Variants in VGLL2 observed in about 807,000 individuals in gnomAD.
VGLL2 encodes the protein vestigial like family member 2, also known as transcription cofactor vestigial-like protein 2.
VGLL2 carries 18 observed loss-of-function variants against 27.0 expected under a neutral mutation model. That is an observed-to-expected ratio of 0.67 (90% CI 0.46 to 0.99). VGLL2 has a LOEUF of 0.99. Among genes scored for constraint, VGLL2 ranks in the 50% least tolerant of loss-of-function variants. The pLI is 0.00. For synonymous variants in VGLL2, 220 were observed against 201.1 expected (o/e 1.09, Z -0.80); for missense variants, 491 against 452.3 (o/e 1.09, Z -0.78).
Position 117,272,705 on chromosome 6 carries a change from T to C in VGLL2, c.*211T>C. The C allele has an allele frequency of 1.6e-6, 1 of 643,400 alleles. No individual in the cohort carries two copies. The highest frequency in any genetic ancestry group is 2.3e-5 in the South Asian group (1 of 43,438). The allele number at this position is 643,400 out of a possible 1,614,324, so 39.9% of individuals were successfully genotyped here. ...GAGCAAATCCAAAGACTGAGTTATG[T>C]TTAATGACTTTTGGCCGAATCACTG... is the stretch of plus-strand genomic sequence containing the variant. On this transcript the variant is annotated 3_prime_UTR_variant, in exon 4 of 4. Coordinates refer to ENST00000326274, the MANE Select transcript of VGLL2 (RefSeq NM_182645.3).
At position 117,270,674 on chromosome 6, in the gene VGLL2, G is replaced by A. The variant is rs1773167811; in HGVS notation, c.523G>A (p.Asp175Asn). ...CTCGGAGCTGCCCTTCGCCGCCGCC[G>A]ACCCCTACTCGCCCGCCGCGCTGCA... ...AHSELPFAAA[D>N]PYSPAALHGH... Residue 175 changes from aspartate to asparagine, a missense_variant, in exon 3 of 4, where the codon GAC becomes AAC. Physicochemically the swap from Asp to Asn is conservative, Grantham distance 23. Transcript: ENST00000326274. The A allele has an allele frequency of 1.3e-6, 2 of 1,553,244 alleles. No homozygotes were observed. The highest frequency in any genetic ancestry group is 1.8e-5 in the Admixed American group (1 of 54,582).
intron 1 of VGLL2, among the ~76,000 whole-genome samples, chr6:117,267,037 G>A (rs1029383391): frequency 2.6e-5 from 4 of 151,978 alleles, no homozygotes; most frequent in African/African-American, 9.7e-5. Flanking sequence ...ATCTTACATC[G>A]TTTTGTCCCC....
intron 1 of VGLL2, among the ~76,000 whole-genome samples, chr6:117,266,980 T>C (rs1045313724): frequency 1.3e-5 from 2 of 152,210 alleles, no homozygotes; most frequent in African/African-American, 4.8e-5. Flanking sequence ...ATCACCAGAG[T>C]TCCTCTTGTA....
rs3822947 is a variant in VGLL2, at chr6:117,273,482, G to A, written c.*988G>A. 11,204 of 152,252 alleles carry A rather than the reference G, an allele frequency of 0.074. 545 individuals carry two copies. The highest frequency in any genetic ancestry group is 0.13 in the East Asian group (660 of 5,172). 9.4% of individuals were successfully genotyped at this position (152,252 alleles called of 1,614,324 possible). On this transcript the variant is annotated 3_prime_UTR_variant, in exon 4 of 4. Coordinates refer to ENST00000326274, the MANE Select transcript of VGLL2 (RefSeq NM_182645.3). ...TGTGATTTGGTCACTTTAGTGTTGGGACAGGGGAAAGGGTCTGTGCGTGGG... is the reference window on the plus strand; with the variant it reads ...TGTGATTTGGTCACTTTAGTGTTGGAACAGGGGAAAGGGTCTGTGCGTGGG...
chr6:117,268,591 G>A lies in VGLL2; in HGVS notation c.391+100G>A, dbSNP rs187438348. On this transcript the variant is annotated intron_variant, in intron 2 of 3. Transcript: ENST00000326274. ...AACATGCAGCTGAAAAGAATATTAG[G>A]TGTCAGAGAAGGTGTGCAGAGGAGC... The A allele has an allele frequency of 7.7e-6, 10 of 1,302,386 alleles. No individual in the cohort carries two copies. In the East Asian group the frequency reaches 2.5e-4, roughly 33 times the overall value. 80.7% of individuals were successfully genotyped at this position (1,302,386 alleles called of 1,614,324 possible).
At position 117,271,051 on chromosome 6, in the gene VGLL2, C is replaced by T. The variant is rs1773185446; in HGVS notation, c.900C>T (p.Leu300=). 3 of 1,227,804 alleles carry T rather than the reference C, an allele frequency of 2.4e-6. No individual in the cohort carries two copies. Among genetic ancestry groups the T allele is most frequent in the Non-Finnish European group, 3.0e-6 (3 of 986,526 alleles). 76.1% of individuals were successfully genotyped at this position (1,227,804 alleles called of 1,614,324 possible). A position where few individuals can be genotyped will look rare whatever the true frequency, so the allele number is the denominator to read the frequency against. The change falls in exon 3 of 4, where the codon CTC becomes CTT. Residue 300 remains leucine, a synonymous_variant. Transcript: ENST00000326274. The stretch of plus-strand genomic sequence containing the variant: ...GGGACGTGGCCCAGGGTCTGGGCCT[C>T]AGCGTGGACTCAGGTAAGCAGAGGA... ...PSGDVAQGLG[L]SVDSARRYSL... is the part of the protein sequence containing the mutation.
Position 117,268,341 on chromosome 6 carries a change from A to G in VGLL2, c.241A>G (p.Ile81Val), listed in dbSNP as rs781257496. Reference sequence around the variant, plus strand: ...AGAGCGCCCACCAGAGGCAGAGTACATCAACTCCCGCTGCGTCCTCTTCAC... The same window carrying G: ...AGAGCGCCCACCAGAGGCAGAGTACGTCAACTCCCGCTGCGTCCTCTTCAC... ...EKERPPEAEYINSRCVLFTYF... is the reference protein window; with the variant it reads ...EKERPPEAEYVNSRCVLFTYF... Residue 81 changes from isoleucine to valine, a missense_variant, in exon 2 of 4, where the codon ATC becomes GTC. By Grantham distance (29) the Ile-to-Val change is conservative. Transcript: ENST00000326274. The G allele has an allele frequency of 3.1e-6, 5 of 1,614,176 alleles. No homozygotes were observed. The highest frequency in any genetic ancestry group is 1.7e-5 in the Admixed American group (1 of 60,020).
chr6:117,268,443 C>G lies in VGLL2; in HGVS notation c.343C>G (p.Pro115Ala), dbSNP rs201818972. 253 of 1,613,996 alleles carry G rather than the reference C, an allele frequency of 1.6e-4. No homozygotes were observed. In the East Asian group the frequency reaches 5.4e-3, roughly 35 times the overall value. The change falls in exon 2 of 4, where the codon CCT becomes GCT. Residue 115 changes from proline (P) to alanine (A), a missense_variant. Transcript: ENST00000326274. ...RALSQPSSYS[P>A]SCTSSKAPRS... is the part of the protein sequence containing the mutation. The stretch of plus-strand genomic sequence containing the variant: ...CCTGAGCCAACCCAGCAGCTACTCT[C>G]CTAGCTGTACCAGCAGCAAAGCACC...
intron 3 of VGLL2, 135 bp from the exon 4 acceptor site, chr6:117,272,319 T>C (rs1457203468): frequency 2.6e-6 from 4 of 1,524,100 alleles, no homozygotes; most frequent in Non-Finnish European, 3.5e-6. Flanking sequence ...GTTTGCAGCC[T>C]CAGGACAAAA....
At position 117,271,330 on chromosome 6, in the gene VGLL2, A is replaced by AATAATAATG. The variant is rs1554217562; in HGVS notation, c.913+274_913+275insGATAATAAT. ...TAATAATAATAATAATAATGATAAT[A>AATAATAATG]ATAATAATAATAATAATAAAATTTA... On this transcript the variant is annotated intron_variant, in intron 3 of 3. Coordinates refer to ENST00000326274, the MANE Select transcript of VGLL2 (RefSeq NM_182645.3). Among the ~76,000 whole-genome samples, 220 of 139,724 alleles carry AATAATAATG rather than the reference A, an allele frequency of 1.6e-3. 1 individual carries two copies. Among genetic ancestry groups the AATAATAATG allele is most frequent in the African/African-American group, 5.4e-3 (209 of 38,704 alleles). 91.7% of individuals were successfully genotyped at this position (139,724 alleles called of 152,430 possible). A position where few individuals can be genotyped will look rare whatever the true frequency, so the allele number is the denominator to read the frequency against.
At position 117,265,704 on chromosome 6, in the gene VGLL2, T is replaced by C; in HGVS notation, c.-60T>C. The C allele has an allele frequency of 2.7e-6, 4 of 1,477,044 alleles. No homozygotes were observed. Among genetic ancestry groups the C allele is most frequent in the Non-Finnish European group, 3.8e-6 (4 of 1,057,852 alleles). 91.5% of individuals were successfully genotyped at this position (1,477,044 alleles called of 1,614,324 possible). On this transcript the variant is annotated 5_prime_UTR_variant, in exon 1 of 4. An upstream open reading frame in the 5' UTR loses its in-frame stop. Transcript: ENST00000326274. Reference sequence around the variant, plus strand: ...CCAAGCGCCGCCCATGCAGCACCCCTGAGCTCCGGGGAAGGAGAGTTAATG... The same window carrying C: ...CCAAGCGCCGCCCATGCAGCACCCCCGAGCTCCGGGGAAGGAGAGTTAATG...
At chr6:117,266,283 A>G (rs549870968) in intron 1 of VGLL2, among the ~76,000 whole-genome samples, 5 of 152,360 alleles carry the variant, frequency 3.3e-5, no homozygotes, top group African/African-American at 1.2e-4. Flanking sequence ...TCTGAGATGC[A>G]AGGGCCGGTG....
intron 2 of VGLL2, among the ~76,000 whole-genome samples, chr6:117,269,431 C>T (rs1379432278): frequency 6.6e-6 from 1 of 152,158 alleles, no homozygotes; most frequent in Non-Finnish European, 1.5e-5. Flanking sequence ...ACAACCTTCA[C>T]CCCCTTTTTT....
Position 117,270,895 on chromosome 6 carries a change from G to C in VGLL2, c.744G>C (p.Ser248=). The C allele has an allele frequency of 3.1e-6, 4 of 1,278,332 alleles. No individual in the cohort carries two copies. Among genetic ancestry groups the C allele is most frequent in the East Asian group, 6.7e-5 (2 of 29,732 alleles). 79.2% of individuals were successfully genotyped at this position (1,278,332 alleles called of 1,614,324 possible). Residue 248 remains serine (S), a synonymous_variant, in exon 3 of 4, where the codon TCG becomes TCC. Transcript: ENST00000326274. ...GGCCGCTGCTGATGCCAGCCGCCTC[G>C]GGGCGCCCGGCCCGCCTCGCAACCG... is the stretch of plus-strand genomic sequence containing the variant. ...RYGPLLMPAA[S]GRPARLATAP...
In VGLL2 at chr6:117,271,327, A is replaced by AATAATG. The variant is rs1554217536; in HGVS notation, c.913+268_913+269insGATAAT. Among the ~76,000 whole-genome samples the AATAATG allele has an allele frequency of 4.6e-3, 644 of 139,564 alleles. 1 individual carries two copies. The highest frequency in any genetic ancestry group is 0.013 in the African/African-American group (490 of 36,454). The allele number at this position is 139,564 out of a possible 152,430, so 91.6% of individuals were successfully genotyped here. On this transcript the variant is annotated intron_variant, in intron 3 of 3. Transcript: ENST00000326274. ...TAATAATAATAATAATAATAATGAT[A>AATAATG]ATAATAATAATAATAATAATAAAAT...
In VGLL2 at chr6:117,265,817, C is replaced by G. The variant is rs1562229868; in HGVS notation, c.54C>G (p.Phe18Leu). The part of the protein sequence containing the change: ...YQVYGPPQPY[F>L]AAAYTPYHQK... ...TCTATGGTCCTCCGCAGCCCTACTT[C>G]GCAGCCGCCTACACCCCCTACCACC... Residue 18 changes from phenylalanine (F) to leucine (L), a missense_variant, in exon 1 of 4, where the codon TTC (phenylalanine) becomes TTG (leucine). Coordinates refer to ENST00000326274, the MANE Select transcript of VGLL2 (RefSeq NM_182645.3). 6.2e-7 allele frequency: 1 copy of G among 1,614,080 alleles called. No homozygotes were observed. The highest frequency in any genetic ancestry group is 2.2e-5 in the East Asian group (1 of 44,878).
chr6:117,270,846 C>T lies in VGLL2; in HGVS notation c.695C>T (p.Ala232Val), dbSNP rs1347476644. 1.4e-6 allele frequency: 2 copies of T among 1,415,672 alleles called. No individual in the cohort carries two copies. Among genetic ancestry groups the T allele is most frequent in the African/African-American group, 1.5e-5 (1 of 66,810 alleles). The allele number at this position is 1,415,672 out of a possible 1,614,324, so 87.7% of individuals were successfully genotyped here. The part of the protein sequence containing the change: ...PRPAAVHEVY[A>V]PHFDPRYGPL... ...CCCGCCGCCGTGCACGAAGTCTACG[C>T]GCCGCACTTCGACCCGCGCTATGGG... The change falls in exon 3 of 4, where the codon GCG (alanine) becomes GTG (valine). Residue 232 changes from alanine (A) to valine (V), a missense_variant. Ala to Val is a moderately conservative substitution (Grantham distance 64). Transcript: ENST00000326274.
chr6:117,272,383 C>T, intron 3 of VGLL2, 71 bp from the exon 4 acceptor site: 1 of 1,613,700 alleles, frequency 6.2e-7, no homozygotes. Flanking sequence ...TAGGTCTCTG[C>T]ATAGTGCAAT....
chr6:117,268,513 G>C (rs758694143), intron 2 of VGLL2, 22 bp downstream of exon 2: 5 of 1,570,712 alleles, frequency 3.2e-6, no homozygotes, highest in South Asian at 1.1e-5. Context: ...GCCCTGCTGG[G>C]AAGGACCCAT....
Sources: allele counts gnomAD v4.1 joint callset (sites outside exome capture counted in the v4.1 genomes callset), GRCh38; gene constraint gnomAD v4.1.1; transcripts MANE v1.5; gene names NCBI Gene and HGNC (gene_info 2026-07-23, HGNC 2026-07-21).